The following SI variants were observed in gnomAD, a reference collection of about 807,000 sequenced individuals.
SI encodes sucrase-isomaltase, intestinal.
In SI, 235 loss-of-function variants were observed where a neutral mutation model predicts 253.3. That is an observed-to-expected ratio of 0.93 (90% CI 0.83 to 1.03). The LOEUF (loss-of-function observed/expected upper bound fraction) is 1.03, where lower values mean the gene tolerates loss of function less well. Ranked by LOEUF, SI falls within the 50% of genes least tolerant of loss-of-function variation. The probability of loss-of-function intolerance (pLI) is 0.00; values close to 1 mark genes in which losing one functional copy is unlikely to be tolerated. For synonymous variants in SI, 819 were observed against 712.0 expected, an observed-to-expected ratio of 1.15 and a Z score of -2.39; for missense variants, 2,442 against 2,211.1, an observed-to-expected ratio of 1.10 and a Z score of -2.09.
intron 37 of SI, 148 bp from the exon 38 acceptor site, chr3:164,998,821 T>C (rs1020983833): frequency 5.7e-6 from 4 of 703,268 alleles, no homozygotes; most frequent in African/African-American, 1.8e-5. Context: ...GTTTGTCTTC[T>C]CTCATTAAAT....
At chr3:165,034,151 A>G (rs966491914) in intron 22 of SI, among the ~76,000 whole-genome samples, 6 of 151,880 alleles carry the variant, frequency 4.0e-5, no homozygotes, top group Non-Finnish European at 8.8e-5. Context: ...AAATAATATT[A>G]TATTCAGAAC....
intron 25 of SI, among the ~76,000 whole-genome samples, chr3:165,030,339 T>C (rs934539723): frequency 6.6e-6 from 1 of 150,898 alleles, no homozygotes; most frequent in African/African-American, 2.4e-5. Flanking sequence ...TCTTAATAAC[T>C]TGAGACAACT....
intron 16 of SI, among the ~76,000 whole-genome samples, chr3:165,045,458 G>A (rs1171138277): frequency 1.3e-5 from 2 of 151,702 alleles, no homozygotes; most frequent in Non-Finnish European, 2.9e-5. Flanking sequence ...AATATTGCTT[G>A]TTTTTCCTTC....
chr3:165,019,981 T>A (rs561120237), intron 27 of SI, among the ~76,000 whole-genome samples: 1 of 151,862 alleles, frequency 6.6e-6, no homozygotes, highest in African/African-American at 2.4e-5. Flanking sequence ...ATGCTTCATA[T>A]ACTTATAGGA....
At chr3:165,015,095 A>C (rs372966177) in intron 33 of SI, 28 bp downstream of exon 33, 95 of 1,500,184 alleles carry the variant, frequency 6.3e-5, no homozygotes, top group Non-Finnish European at 8.1e-5. Flanking sequence ...TTTTGTATTT[A>C]TTCTATTTCA....
rs1717221796 is a variant in SI at position 164,982,233 on chromosome 3, C to T, written c.5415+10G>A. ...TACGCTTTTGAAAAATATTTTCTTACATTACTTACCATGTTGGTAGTGTCT... is the reference window on the plus strand; with the variant it reads ...TACGCTTTTGAAAAATATTTTCTTATATTACTTACCATGTTGGTAGTGTCT... On this transcript the variant is annotated intron_variant, in intron 47 of 47. Transcript: ENST00000264382. 5.0e-6 allele frequency: 8 copies of T among 1,606,794 alleles called. No homozygotes were observed. In the East Asian group the frequency reaches 1.6e-4, roughly 31 times the overall value.
At position 165,060,043 on chromosome 3, in the gene SI, C is replaced by T. The variant is rs773212493; in HGVS notation, c.1021-16G>A. 2 of 1,607,222 alleles carry T rather than the reference C, an allele frequency of 1.2e-6. No homozygotes were observed. Among genetic ancestry groups the T allele is most frequent in the Non-Finnish European group, 1.7e-6 (2 of 1,175,128 alleles). On this transcript the variant is annotated splice_polypyrimidine_tract_variant and intron_variant, in intron 9 of 47. Coordinates refer to ENST00000264382, the MANE Select transcript of SI (RefSeq NM_001041.4). ...GTCCAACAAGCTTAAAGTAAATGAGCATGTAATTAGTTTGAATAGAAATAA... is the reference window on the plus strand; with the variant it reads ...GTCCAACAAGCTTAAAGTAAATGAGTATGTAATTAGTTTGAATAGAAATAA...
chr3:165,071,932 G>A (rs1235719812), intron 3 of SI, among the ~76,000 whole-genome samples: 5 of 152,044 alleles, frequency 3.3e-5, no homozygotes, highest in Non-Finnish European at 7.4e-5. Context: ...ATGGCAGCCC[G>A]AGCTAATGCA....
intron 26 of SI, among the ~76,000 whole-genome samples, chr3:165,022,226 T>C (rs762009367): frequency 1.5e-4 from 23 of 151,626 alleles, no homozygotes; most frequent in Admixed American, 2.6e-4. Flanking sequence ...TAATTGTTTA[T>C]AGTGTTTTTT....
In SI at chr3:164,994,244, A is replaced by G; in HGVS notation, c.4841+13T>C. 6.2e-7 allele frequency: 1 copy of G among 1,608,600 alleles called. No homozygotes were observed. Among genetic ancestry groups the G allele is most frequent in the Non-Finnish European group, 8.5e-7 (1 of 1,176,150 alleles). On this transcript the variant is annotated intron_variant, in intron 41 of 47. Transcript: ENST00000264382. ...ATCTCTCTGTGATAAGAGAAAACAAACTTTGTACTTACTCATGCAAAAGGG... is the reference window on the plus strand; with the variant it reads ...ATCTCTCTGTGATAAGAGAAAACAAGCTTTGTACTTACTCATGCAAAAGGG...
chr3:165,012,726 G>A (rs1281755336), intron 34 of SI, among the ~76,000 whole-genome samples: 1 of 152,066 alleles, frequency 6.6e-6, no homozygotes, highest in East Asian at 1.9e-4. Context: ...CACCGTGCCA[G>A]GCCATAACTT....
At chr3:165,083,030 A>G (rs1461275544), upstream of SI, among the ~76,000 whole-genome samples, 3 of 151,996 alleles carry the variant, frequency 2.0e-5, no homozygotes, top group East Asian at 5.8e-4. Context: ...CTGGAGGAAC[A>G]AAATCATGCT....
At chr3:165,016,110 GC>G in intron 31 of SI, 30 bp from the exon 32 acceptor site, 1 of 1,596,882 alleles carries the variant, frequency 6.3e-7, no homozygotes, top group African/African-American at 1.3e-5. Context: ...TCAAAGTAGG[GC>G]AAAAAATACA....
Position 165,040,904 on chromosome 3 carries a change from A to T in SI, c.2159+36T>A, listed in dbSNP as rs369226627. 1.2e-5 allele frequency: 19 copies of T among 1,531,496 alleles called. No individual in the cohort carries two copies. The African/African-American group carries it at 1.6e-4, about 13-fold the overall frequency. 94.9% of individuals were successfully genotyped at this position (1,531,496 alleles called of 1,614,324 possible). Reference sequence around the variant, plus strand: ...TCTGTGTATGTTTGAACATACTTTAAAAGGTATTATTATAATTATTGTACG... The same window carrying T: ...TCTGTGTATGTTTGAACATACTTTATAAGGTATTATTATAATTATTGTACG... On this transcript the variant is annotated intron_variant, in intron 18 of 47. Transcript: ENST00000264382.
chr3:165,037,039 A>C (rs765137246), intron 21 of SI, among the ~76,000 whole-genome samples: 1 of 151,566 alleles, frequency 6.6e-6, no homozygotes, highest in Admixed American at 6.6e-5. Context: ...TCCAGTATGC[A>C]TTTACCAAAG....
chr3:165,006,742 G>T, intron 37 of SI, 74 bp downstream of exon 37: 1 of 1,344,540 alleles, frequency 7.4e-7, no homozygotes, highest in Non-Finnish European at 1.1e-6. Context: ...TGTCGGGACT[G>T]TTAAAATGAT....
chr3:165,066,576 C>T (rs1714258304), intron 6 of SI, among the ~76,000 whole-genome samples: 1 of 151,834 alleles, frequency 6.6e-6, no homozygotes. Flanking sequence ...CCAACATCTC[C>T]CCCATTCTCC....
At chr3:165,064,269 G>A (rs181003546) in intron 7 of SI, among the ~76,000 whole-genome samples, 1 of 151,958 alleles carries the variant, frequency 6.6e-6, no homozygotes, top group Non-Finnish European at 1.5e-5. Context: ...AGACAAACTG[G>A]AAATACACTG....
intron 13 of SI, among the ~76,000 whole-genome samples, chr3:165,052,241 A>C (rs1467056847): frequency 6.6e-6 from 1 of 152,182 alleles, no homozygotes; most frequent in Non-Finnish European, 1.5e-5. Context: ...GTGAAACTAC[A>C]GTTATTTAAT....
Sources: allele counts gnomAD v4.1 joint callset (sites outside exome capture counted in the v4.1 genomes callset), GRCh38; gene constraint gnomAD v4.1.1; transcripts MANE v1.5; gene names NCBI Gene and HGNC (gene_info 2026-07-23, HGNC 2026-07-21).